Variants in C11orf71 observed in about 807,000 individuals in gnomAD.
The protein encoded by C11orf71 is uncharacterized protein C11orf71.
For synonymous variants in C11orf71, 72 were observed against 73.4 expected, an observed-to-expected ratio of 0.98 and a Z score of 0.09; for missense variants, 179 against 167.6, an observed-to-expected ratio of 1.07 and a Z score of -0.38.
chr11:114,397,548 A>G (rs1946138763), downstream of C11orf71, among the ~76,000 whole-genome samples: 1 of 151,592 alleles, frequency 6.6e-6, no homozygotes, highest in South Asian at 2.1e-4. Flanking sequence ...ACAAAACACA[A>G]ACCACACCAT....
chr11:114,395,096 A>G (rs1369509914), downstream of C11orf71, among the ~76,000 whole-genome samples: 6 of 152,034 alleles, frequency 3.9e-5, no homozygotes, highest in Non-Finnish European at 7.3e-5. Flanking sequence ...CTTTGGGCAC[A>G]GGATAAATTT....
At chr11:114,395,162 A>C (rs1010762357), downstream of C11orf71, among the ~76,000 whole-genome samples, 1 of 152,120 alleles carries the variant, frequency 6.6e-6, no homozygotes, top group Non-Finnish European at 1.5e-5. Flanking sequence ...GACATAGATT[A>C]CACCTCTATC....
chr11:114,391,734 CA>C (rs1946074168), intron 1 of C11orf71: 2 of 603,588 alleles, frequency 3.3e-6, no homozygotes, highest in Non-Finnish European at 5.7e-6. Context: ...CATGTCCCAG[CA>C]AAAGGGATTC....
chr11:114,398,396 T>C (rs1946143622), downstream of C11orf71: 1 of 151,374 alleles, frequency 6.6e-6, no homozygotes, highest in Non-Finnish European at 1.5e-5. Context: ...CAGGGCTCTA[T>C]CATTTACTAG....
chr11:114,392,280 G>C (rs1175277417), intron 1 of C11orf71, among the ~76,000 whole-genome samples: 8 of 152,150 alleles, frequency 5.3e-5, no homozygotes, highest in Non-Finnish European at 8.8e-5. Flanking sequence ...GCTTATGCCT[G>C]TAATCGCAAC....
At position 114,399,866 on chromosome 11, in the gene C11orf71, TA is replaced by T; in HGVS notation, c.*93del. The T allele has an allele frequency of 1.4e-6, 2 of 1,439,586 alleles. No individual in the cohort carries two copies. Among genetic ancestry groups the T allele is most frequent in the Non-Finnish European group, 1.8e-6 (2 of 1,093,968 alleles). The allele number at this position is 1,439,586 out of a possible 1,614,324, so 89.2% of individuals were successfully genotyped here. On this transcript the variant is annotated 3_prime_UTR_variant, in exon 1 of 1. Transcript: ENST00000623205. ...CGTATTAAATGAAAATACATCCATC[TA>T]AAAATAAAACAACACGATTGCTGCT...
At chr11:114,394,265 T>TTCTTTTCTTTTCTTG (rs1946108280), downstream of C11orf71, among the ~76,000 whole-genome samples, 2 of 60,412 alleles carry the variant, frequency 3.3e-5, no homozygotes, top group East Asian at 1.7e-3. Flanking sequence ...TTCTTTTCTT[T>TTCTTTTCTTTTCTTG]TCTTTTCTTT....
Position 114,399,784 on chromosome 11 carries a change from T to C in C11orf71, c.*176A>G, listed in dbSNP as rs955848761. The C allele has an allele frequency of 5.1e-6, 5 of 990,060 alleles. No homozygotes were observed. In the Admixed American group the frequency reaches 9.5e-5, roughly 19 times the overall value. 61.3% of individuals were successfully genotyped at this position (990,060 alleles called of 1,614,324 possible). A position where few individuals can be genotyped will look rare whatever the true frequency, so the allele number is the denominator to read the frequency against. Reference sequence around the variant, plus strand: ...ATCGTTCTGGCTGCATAAAACCACCTAAATCAATCAACTGTTACACTTCCC... The same window carrying C: ...ATCGTTCTGGCTGCATAAAACCACCCAAATCAATCAACTGTTACACTTCCC... On this transcript the variant is annotated 3_prime_UTR_variant, in exon 1 of 1. Coordinates refer to ENST00000623205, the MANE Select transcript of C11orf71 (RefSeq NM_001271562.2).
chr11:114,396,049 G>A (rs1591193683), downstream of C11orf71, among the ~76,000 whole-genome samples: 1 of 152,088 alleles, frequency 6.6e-6, no homozygotes, highest in African/African-American at 2.4e-5. Flanking sequence ...CCGACCAATC[G>A]TGCCCCACTC....
chr11:114,395,398 A>C (rs1946123569), downstream of C11orf71, among the ~76,000 whole-genome samples: 1 of 152,260 alleles, frequency 6.6e-6, no homozygotes. Context: ...CCACAGATGC[A>C]GAGAACAGCA....
chr11:114,400,131 T>C lies in C11orf71; in HGVS notation c.201A>G (p.Arg67=). ...TTGGGCTCCGGCCGCCACCATCCAC[T>C]CGACGGCTCTCGGCCCGAACGCTTG... ...VRPSVRAESR[R]VDGGGRSPRE... is the part of the protein sequence containing the mutation. Residue 67 remains arginine (R), a synonymous_variant, in exon 1 of 1, where the codon CGA becomes CGG. Coordinates refer to ENST00000623205, the MANE Select transcript of C11orf71 (RefSeq NM_001271562.2). 1 of 1,613,802 alleles carries C rather than the reference T, an allele frequency of 6.2e-7. No individual in the cohort carries two copies. The highest frequency in any genetic ancestry group is 8.5e-7 in the Non-Finnish European group (1 of 1,179,870).
At chr11:114,392,548 A>AAAAAAAAAAAAG (rs1461395379) in intron 1 of C11orf71, among the ~76,000 whole-genome samples, 2 of 124,850 alleles carry the variant, frequency 1.6e-5, no homozygotes, top group African/African-American at 5.9e-5. Flanking sequence ...AAAAAAAAAA[A>AAAAAAAAAAAAG]AAGAAGAAGA....
chr11:114,394,018 C>G (rs1946092439), downstream of C11orf71, among the ~76,000 whole-genome samples: 1 of 151,772 alleles, frequency 6.6e-6, no homozygotes, highest in Non-Finnish European at 1.5e-5. Context: ...CTCGCTCTGT[C>G]GCCCAGGCTG....
At chr11:114,391,520 AT>A in exon 2 of C11orf71, 1 of 1,184,130 alleles carries the variant, frequency 8.4e-7, no homozygotes, top group Non-Finnish European at 1.2e-6. Flanking sequence ...TTCATATCCA[AT>A]TTTTATCTTA....
downstream of C11orf71, among the ~76,000 whole-genome samples, chr11:114,397,720 T>G (rs779987319): frequency 2.6e-5 from 4 of 152,188 alleles, no homozygotes; most frequent in Non-Finnish European, 5.9e-5. Context: ...TCATCCTCTT[T>G]TCCCTCATAA....
rs200970936 is a variant in C11orf71, at chr11:114,392,732, C to CAA, written c.344-1069_344-1068dup. On this transcript the variant is annotated intron_variant, in intron 1 of 1. Coordinates refer to the C11orf71 transcript ENST00000325636. ...TGAGCAATAGAGTAAGATCCTGTCT[C>CAA]AAAAAAAAAAAAACAAAAAAAAATT... 6.0e-4 allele frequency among the ~76,000 whole-genome samples: 39 copies of CAA among 64,476 alleles called. No individual in the cohort carries two copies. The South Asian group carries it at 0.011, about 19-fold the overall frequency. 42.3% of individuals were successfully genotyped at this position (64,476 alleles called of 152,430 possible).
At chr11:114,394,568 T>A (rs1946116183), downstream of C11orf71, among the ~76,000 whole-genome samples, 1 of 152,014 alleles carries the variant, frequency 6.6e-6, no homozygotes, top group Non-Finnish European at 1.5e-5. Flanking sequence ...GTGCTGGGAT[T>A]ACAGGCGTGA....
At position 114,400,496 on chromosome 11, in the gene C11orf71, G is replaced by T. The variant is rs544285320; in HGVS notation, c.-165C>A. 1.3e-4 allele frequency: 170 copies of T among 1,267,180 alleles called. 1 individual carries two copies. The East Asian group carries it at 4.1e-3, about 31-fold the overall frequency. 78.5% of individuals were successfully genotyped at this position (1,267,180 alleles called of 1,614,324 possible). ...GAAGCCGCCTTGCCTTTAACGAGGG[G>T]TATCCTGGCGAGCATGCGCAGACCG... On this transcript the variant is annotated 5_prime_UTR_variant, in exon 1 of 1. Coordinates refer to ENST00000623205, the MANE Select transcript of C11orf71 (RefSeq NM_001271562.2).
Position 114,399,804 on chromosome 11 carries a change from C to A in C11orf71, c.*156G>T. The stretch of plus-strand genomic sequence containing the variant: ...CCACCTAAATCAATCAACTGTTACA[C>A]TTCCCTTAGTGCTAGGACATATTCA... On this transcript the variant is annotated 3_prime_UTR_variant, in exon 1 of 1. Coordinates refer to ENST00000623205, the MANE Select transcript of C11orf71 (RefSeq NM_001271562.2). 1.8e-6 allele frequency: 2 copies of A among 1,098,248 alleles called. No homozygotes were observed. The highest frequency in any genetic ancestry group is 2.5e-6 in the Non-Finnish European group (2 of 798,040). The allele number at this position is 1,098,248 out of a possible 1,614,324, so 68.0% of individuals were successfully genotyped here. A position where few individuals can be genotyped will look rare whatever the true frequency, so the allele number is the denominator to read the frequency against.
Sources: gnomAD v4.1 joint callset for allele counts (sites outside exome capture counted in the v4.1 genomes callset) on GRCh38, gnomAD v4.1.1 for gene constraint, MANE v1.5 for transcripts, NCBI Gene and HGNC (gene_info 2026-07-23, HGNC 2026-07-21) for gene names.